The following FLACC1 variants were observed in gnomAD, a reference collection of about 807,000 sequenced individuals.
The protein encoded by FLACC1 is flagellum-associated coiled-coil domain-containing protein 1.
In FLACC1, 66 loss-of-function variants were observed where a neutral mutation model predicts 62.8. The observed-to-expected ratio is 1.05, with a 90% CI of 0.86 to 1.29. The LOEUF is 1.29. Among genes scored for constraint, FLACC1 ranks in the 50% most tolerant of loss-of-function variants. FLACC1 has a pLI of 0.00. For missense variants in FLACC1, 452 were observed against 489.1 expected (o/e 0.92, Z 0.71); for synonymous variants, 156 against 161.0 (o/e 0.97, Z 0.24).
Position 201,303,882 on chromosome 2 carries a change from A to G in FLACC1, c.879+3637T>C, listed in dbSNP as rs541931998. Among the ~76,000 whole-genome samples the G allele has an allele frequency of 8.7e-4, 132 of 152,196 alleles. 1 individual carries two copies. Among genetic ancestry groups the G allele is most frequent in the Middle Eastern group, 3.4e-3 (1 of 294 alleles). ...AGGCCTTCAACAAAATTCGAAAACC[A>G]TTCATGCTAAAAACTCTCAATAAAT... On this transcript the variant is annotated intron_variant, in intron 11 of 14. Coordinates refer to ENST00000392257, the MANE Select transcript of FLACC1 (RefSeq NM_001127391.3).
At chr2:201,305,555 C>A (rs987741360) in intron 11 of FLACC1, among the ~76,000 whole-genome samples, 6 of 152,270 alleles carry the variant, frequency 3.9e-5, no homozygotes, top group South Asian at 2.1e-4. Context: ...AACTAGAAAT[C>A]CCATTTGACA....
chr2:201,339,066 C>CTTTTTTTTTTTTTTTTT (rs1559414089), intron 7 of FLACC1, among the ~76,000 whole-genome samples: 2 of 151,986 alleles, frequency 1.3e-5, no homozygotes, highest in African/African-American at 4.8e-5. Context: ...TGTTGGGAGA[C>CTTTTTTTTTTTTTTTTT]TTTTTATTAC....
intron 9 of FLACC1, among the ~76,000 whole-genome samples, chr2:201,321,826 T>C (rs199880773): frequency 6.6e-6 from 1 of 152,056 alleles, no homozygotes; most frequent in African/African-American, 2.4e-5. Flanking sequence ...TCATTGCAAC[T>C]CACTCCTCCA....
rs36018666 is a variant in FLACC1, at chr2:201,341,392, C to CATAT, written c.524+974_524+977dup. Among the ~76,000 whole-genome samples, 222 of 146,130 alleles carry CATAT rather than the reference C, an allele frequency of 1.5e-3. 2 individuals are homozygous for CATAT. The East Asian group carries it at 0.028, about 19-fold the overall frequency. On this transcript the variant is annotated intron_variant, in intron 7 of 14. Transcript: ENST00000392257. ...GTATACAACATGATGTCATAAGATT[C>CATAT]ATATATATATATATATATAAATCAT...
chr2:201,332,270 G>A (rs552827496), intron 7 of FLACC1, among the ~76,000 whole-genome samples: 5 of 149,808 alleles, frequency 3.3e-5, no homozygotes, highest in Non-Finnish European at 5.9e-5. Flanking sequence ...TTTTTCAGAC[G>A]TAGTCTCTGG....
chr2:201,301,883 T>G (rs1010179802), intron 11 of FLACC1, among the ~76,000 whole-genome samples: 2 of 152,092 alleles, frequency 1.3e-5, no homozygotes, highest in Non-Finnish European at 2.9e-5. Flanking sequence ...AGAAGCAAAT[T>G]CTGAGAGATT....
At chr2:201,323,102 A>G (rs1950435895) in intron 9 of FLACC1, among the ~76,000 whole-genome samples, 1 of 152,192 alleles carries the variant, frequency 6.6e-6, no homozygotes, top group Admixed American at 6.5e-5. Flanking sequence ...TATGTTAAAC[A>G]GCCAAACCTA....
intron 6 of FLACC1, among the ~76,000 whole-genome samples, chr2:201,343,445 G>A (rs1483272820): frequency 6.6e-6 from 1 of 152,208 alleles, no homozygotes; most frequent in Non-Finnish European, 1.5e-5. Flanking sequence ...GCGGAGGAGG[G>A]TGGTCTCAGG....
intron 4 of FLACC1, among the ~76,000 whole-genome samples, chr2:201,347,077 T>C (rs1243899530): frequency 6.6e-6 from 1 of 152,250 alleles, no homozygotes; most frequent in Non-Finnish European, 1.5e-5. Context: ...AGTTTCCTTA[T>C]CAGAAAGTGG....
Position 201,346,689 on chromosome 2 carries a change from G to A in FLACC1, c.235-14C>T, listed in dbSNP as rs756877766. ...GTTGATCACTTCCTAGGCATCAAGG[G>A]AAAGTAAGATAAAATGGCAGACTTG... is the stretch of plus-strand genomic sequence containing the variant. On this transcript the variant is annotated splice_polypyrimidine_tract_variant and intron_variant, in intron 4 of 14. Coordinates refer to ENST00000392257, the MANE Select transcript of FLACC1 (RefSeq NM_001127391.3). The surrounding 1 kb of genome is among the most constrained non-coding windows in gnomAD (Gnocchi z 4.0). 1 of 1,613,816 alleles carries A rather than the reference G, an allele frequency of 6.2e-7. No homozygotes were observed. The highest frequency in any genetic ancestry group is 8.5e-7 in the Non-Finnish European group (1 of 1,179,968).
At chr2:201,344,842 G>GTT (rs974890428) in intron 5 of FLACC1, among the ~76,000 whole-genome samples, 19 of 152,194 alleles carry the variant, frequency 1.2e-4, no homozygotes, top group Non-Finnish European at 2.6e-4. Context: ...CATGTGCAGT[G>GTT]GAGCTGAGAG....
intron 3 of FLACC1, among the ~76,000 whole-genome samples, chr2:201,349,379 C>T (rs1466922226): frequency 1.3e-5 from 2 of 152,170 alleles, no homozygotes; most frequent in African/African-American, 2.4e-5. Context: ...GACCTCTCTA[C>T]GTAAAGTATC....
chr2:201,288,669 C>CT lies in FLACC1; in HGVS notation c.1254dup (p.Gly419ArgfsTer46). ...CAACTTTTTGTTTATGATTCTTGTC[C>CT]TTTCTTGCTACCATCTTGCACAGTG... is the stretch of plus-strand genomic sequence containing the variant. On this transcript the variant is annotated frameshift_variant, in exon 15 of 15. Transcript: ENST00000392257. LOFTEE classifies it high-confidence loss of function. 1 of 1,613,682 alleles carries CT rather than the reference C, an allele frequency of 6.2e-7. No individual in the cohort carries two copies. Among genetic ancestry groups the CT allele is most frequent in the Non-Finnish European group, 8.5e-7 (1 of 1,179,788 alleles).
chr2:201,307,661 T>C, intron 10 of FLACC1, 39 bp from the exon 11 acceptor site: 1 of 1,448,690 alleles, frequency 6.9e-7, no homozygotes, highest in South Asian at 1.1e-5. Flanking sequence ...TGTGTAAAGA[T>C]GGGAAAAGCA....
intron 12 of FLACC1, among the ~76,000 whole-genome samples, chr2:201,292,498 C>A (rs1433644627): frequency 6.6e-6 from 1 of 152,196 alleles, no homozygotes; most frequent in Non-Finnish European, 1.5e-5. Context: ...TCACACCAGG[C>A]CTGCCTTAAA....
intron 7 of FLACC1, among the ~76,000 whole-genome samples, chr2:201,340,486 T>C (rs1478281046): frequency 6.6e-6 from 1 of 152,202 alleles, no homozygotes; most frequent in East Asian, 1.9e-4. Context: ...ACAAGTTTAG[T>C]TGCAAGCAAT....
chr2:201,330,436 C>G (rs1400234362), intron 9 of FLACC1, 34 bp downstream of exon 9: 1 of 1,592,478 alleles, frequency 6.3e-7, no homozygotes, highest in Non-Finnish European at 8.6e-7. Context: ...AGCCTTCCTT[C>G]TCTTGTAATC....
chr2:201,295,061 C>T (rs1377533714), intron 12 of FLACC1, among the ~76,000 whole-genome samples: 1 of 152,124 alleles, frequency 6.6e-6, no homozygotes, highest in Non-Finnish European at 1.5e-5. Context: ...TAGGAAGAAT[C>T]AACATCGTGA....
At chr2:201,342,312 A>G in intron 7 of FLACC1, 58 bp downstream of exon 7, 1 of 1,571,734 alleles carries the variant, frequency 6.4e-7, no homozygotes, top group Non-Finnish European at 8.7e-7. Flanking sequence ...AATCCTGCAA[A>G]GGATGCGGGA....
Sources: allele counts gnomAD v4.1 joint callset (sites outside exome capture counted in the v4.1 genomes callset), GRCh38; gene constraint gnomAD v4.1.1; non-coding constraint Gnocchi (gnomAD v3.1); transcripts MANE v1.5; gene names NCBI Gene and HGNC (gene_info 2026-07-23, HGNC 2026-07-21).